The following NPAT variants were observed in gnomAD, a reference collection of about 807,000 sequenced individuals.
NPAT encodes the protein protein NPAT.
Under a neutral mutation model 130.7 loss-of-function variants are expected in NPAT, and 52 were observed. The observed-to-expected ratio is 0.40, with a 90% confidence interval of 0.32 to 0.50. NPAT has a LOEUF of 0.50. Among genes scored for constraint, NPAT ranks in the 20% least tolerant of loss-of-function variants. The pLI is 0.68. For synonymous variants in NPAT, 580 were observed against 584.8 expected, an observed-to-expected ratio of 0.99 and a Z score of 0.12; for missense variants, 1,687 against 1,662.6, an observed-to-expected ratio of 1.01 and a Z score of -0.26.
chr11:108,193,482 T>G (rs2078190494), intron 3 of NPAT, among the ~76,000 whole-genome samples: 1 of 152,144 alleles, frequency 6.6e-6, no homozygotes, highest in Non-Finnish European at 1.5e-5. Context: ...TCCCAGCACT[T>G]TGGGAGGCCG....
In NPAT at chr11:108,217,167, ATGAG is replaced by A. The variant is rs111249639; in HGVS notation, c.37+5329_37+5332del. Among the ~76,000 whole-genome samples the A allele has an allele frequency of 7.4e-3, 1,129 of 152,286 alleles. 9 individuals are homozygous for A. Among genetic ancestry groups the A allele is most frequent in the African/African-American group, 0.023 (958 of 41,554 alleles). On this transcript the variant is annotated intron_variant, in intron 1 of 17. Transcript: ENST00000278612. ...GTGTCTAAATTATTACAGTGTGAGC[ATGAG>A]TGAGTGTACGTGGGCGTGTGAGTGC...
rs2078095019 is a variant in NPAT at position 108,185,221 on chromosome 11, A to T, written c.906+11T>A. On this transcript the variant is annotated intron_variant, in intron 10 of 17. Coordinates refer to ENST00000278612, the MANE Select transcript of NPAT (RefSeq NM_002519.3). Reference sequence around the variant, plus strand: ...CACACACGCACCCATGCACACCCCAACCACCCATACCGGAAGTCCTAGGAA... The same window carrying T: ...CACACACGCACCCATGCACACCCCATCCACCCATACCGGAAGTCCTAGGAA... 6.3e-7 allele frequency: 1 copy of T among 1,594,332 alleles called. No homozygotes were observed. Among genetic ancestry groups the T allele is most frequent in the African/African-American group, 1.3e-5 (1 of 74,430 alleles).
rs946172514 is a variant in NPAT at position 108,173,214 on chromosome 11, T to C, written c.1770A>G (p.Ser590=). The C allele has an allele frequency of 1.9e-6, 3 of 1,613,602 alleles. No homozygotes were observed. The Admixed American group carries it at 5.0e-5, about 27-fold the overall frequency. The change falls in exon 13 of 18, where the codon TCA becomes TCG. Residue 590 remains serine (S), a synonymous_variant. Coordinates refer to ENST00000278612, the MANE Select transcript of NPAT (RefSeq NM_002519.3). ...IEINVLEPVM[S]QLSNCQDNSC... is the part of the protein sequence containing the mutation. ...AATTATCTTGGCAATTTGATAGCTG[T>C]GACATAACTGGTTCTAACACATTAA...
intron 12 of NPAT, among the ~76,000 whole-genome samples, chr11:108,174,935 G>C (rs991813503): frequency 1.3e-5 from 2 of 152,130 alleles, no homozygotes; most frequent in African/African-American, 4.8e-5. Flanking sequence ...AAGTGTTTCA[G>C]AAAACAACAA....
intron 1 of NPAT, among the ~76,000 whole-genome samples, chr11:108,218,100 C>G (rs1481854924): frequency 1.3e-5 from 2 of 152,040 alleles, no homozygotes; most frequent in East Asian, 3.8e-4. Flanking sequence ...ACTGTTTTTT[C>G]CTTTTATTCC....
At chr11:108,167,939 A>G (rs766666262) in intron 15 of NPAT, among the ~76,000 whole-genome samples, 13 of 152,230 alleles carry the variant, frequency 8.5e-5, no homozygotes, top group South Asian at 6.2e-4. Context: ...GGAAAATATT[A>G]TTTATAGTTA....
chr11:108,199,846 C>T (rs116567097), intron 1 of NPAT, among the ~76,000 whole-genome samples: 1,748 of 152,262 alleles, frequency 0.011, 38 homozygotes, highest in African/African-American at 0.04. Context: ...CCCAACAGCC[C>T]GTTCGGGTGT....
intron 7 of NPAT, 56 bp downstream of exon 7, chr11:108,188,040 TTC>T: frequency 8.2e-7 from 1 of 1,221,202 alleles, no homozygotes. Context: ...CCTGATGTAA[TTC>T]TTTTTTTTTT....
intron 1 of NPAT, among the ~76,000 whole-genome samples, chr11:108,206,496 C>G (rs2078326503): frequency 6.6e-6 from 1 of 152,174 alleles, no homozygotes; most frequent in Admixed American, 6.5e-5. Flanking sequence ...GAGGTTGCAT[C>G]TGGATCAGAC....
intron 2 of NPAT, among the ~76,000 whole-genome samples, chr11:108,194,320 T>A (rs2078199884): frequency 6.6e-6 from 1 of 152,154 alleles, no homozygotes; most frequent in Admixed American, 6.5e-5. Flanking sequence ...AGCATTTGTA[T>A]CATCTAGCTG....
In NPAT at chr11:108,173,691, A is replaced by G. The variant is rs2077978036; in HGVS notation, c.1293T>C (p.Ala431=). 6.2e-7 allele frequency: 1 copy of G among 1,614,174 alleles called. No homozygotes were observed. The highest frequency in any genetic ancestry group is 1.7e-5 in the Admixed American group (1 of 60,018). The change falls in exon 13 of 18, where the codon GCT becomes GCC. Residue 431 remains alanine, a synonymous_variant. Coordinates refer to ENST00000278612, the MANE Select transcript of NPAT (RefSeq NM_002519.3). ...TGTCACACTTCTGTTCAGTGGGTAC[A>G]GCTGTTTTAAAGGCCTTTTTCTGTA... ...TSIQKKAFKT[A]VPTEQKCDID... is the part of the protein sequence containing the mutation.
rs756053480 is a variant in NPAT at position 108,158,947 on chromosome 11, C to A, written c.4279G>T (p.Glu1427Ter). ...TTCTTATGTGTCCAGAATGTTTACT[C>A]ATCATAATGCAATGATAACAAAAAT... is the stretch of plus-strand genomic sequence containing the variant. ...DKFLLSLHYDE is the reference protein window; with the variant it reads ...DKFLLSLHYD The change falls in exon 18 of 18, where the codon GAG (glutamate) becomes TAG (stop). Residue 1427 changes from glutamate to a stop codon, truncating the protein, a stop_gained. Transcript: ENST00000278612. LOFTEE classifies it high-confidence loss of function. 3.2e-6 allele frequency: 5 copies of A among 1,583,904 alleles called. No individual in the cohort carries two copies. The highest frequency in any genetic ancestry group is 1.1e-5 in the South Asian group (1 of 90,490).
intron 1 of NPAT, among the ~76,000 whole-genome samples, chr11:108,217,852 G>C (rs1016747014): frequency 7.9e-5 from 12 of 152,240 alleles, no homozygotes; most frequent in Admixed American, 2.6e-4. Context: ...AATTAGCCGG[G>C]CGTGGTGGTG....
In NPAT at chr11:108,222,599, C is replaced by T. The variant is rs764587580; in HGVS notation, c.-63G>A. On this transcript the variant is annotated 5_prime_UTR_variant, in exon 1 of 18. Coordinates refer to ENST00000278612, the MANE Select transcript of NPAT (RefSeq NM_002519.3). ...ACTCAGGTTAAAGCAAACACAGCGA[C>T]AGCTCCTGCGCCGCATCTCCTGGTT... The T allele has an allele frequency of 6.3e-7, 1 of 1,577,316 alleles. No individual in the cohort carries two copies. The highest frequency in any genetic ancestry group is 8.7e-7 in the Non-Finnish European group (1 of 1,150,200).
In NPAT at chr11:108,222,586, G is replaced by C. The variant is rs76719341; in HGVS notation, c.-50C>G. On this transcript the variant is annotated 5_prime_UTR_variant, in exon 1 of 18. Coordinates refer to ENST00000278612, the MANE Select transcript of NPAT (RefSeq NM_002519.3). ...AATAAGGAACAAGACTCAGGTTAAA[G>C]CAAACACAGCGACAGCTCCTGCGCC... 2 of 1,603,622 alleles carry C rather than the reference G, an allele frequency of 1.2e-6. No homozygotes were observed. Among genetic ancestry groups the C allele is most frequent in the East Asian group, 2.2e-5 (1 of 44,828 alleles).
chr11:108,172,000 C>A (rs1490167693), intron 13 of NPAT, 199 bp downstream of exon 13: 3 of 586,886 alleles, frequency 5.1e-6, no homozygotes, highest in African/African-American at 1.9e-5. Context: ...CCACTAAAGC[C>A]CATAGCTTAC....
At chr11:108,170,158 C>T in intron 13 of NPAT, 115 bp from the exon 14 acceptor site, 1 of 686,400 alleles carries the variant, frequency 1.5e-6, no homozygotes. Context: ...TGAACAATCC[C>T]TCTTCCTTAC....
intron 1 of NPAT, among the ~76,000 whole-genome samples, chr11:108,201,334 G>C (rs1472513453): frequency 6.6e-6 from 1 of 152,156 alleles, no homozygotes; most frequent in Non-Finnish European, 1.5e-5. Flanking sequence ...GAAATAGTTT[G>C]TCCCTTATAT....
At chr11:108,220,410 A>T (rs998825599) in intron 1 of NPAT, among the ~76,000 whole-genome samples, 2 of 152,192 alleles carry the variant, frequency 1.3e-5, no homozygotes, top group African/African-American at 4.8e-5. Context: ...GGGTCCAGAA[A>T]AGTGTTTTTT....
Sources: gnomAD v4.1 joint callset for allele counts (sites outside exome capture counted in the v4.1 genomes callset) on GRCh38, gnomAD v4.1.1 for gene constraint, MANE v1.5 for transcripts, NCBI Gene and HGNC (gene_info 2026-07-23, HGNC 2026-07-21) for gene names.